PCDHGA8: variants seen among roughly 807,000 people sequenced by gnomAD.
The protein encoded by PCDHGA8 is protocadherin gamma-A8.
A neutral mutation model predicts 59.2 loss-of-function variants in PCDHGA8; 45 were observed. That is an observed-to-expected ratio of 0.76 (90% confidence interval 0.60 to 0.98). The LOEUF is 0.98. PCDHGA8 is among the 50% of genes least tolerant of loss of function. The pLI, the probability that PCDHGA8 is intolerant of heterozygous loss-of-function variation, is 0.00. For missense variants in PCDHGA8, 1,257 were observed against 1,196.2 expected, an observed-to-expected ratio of 1.05 and a Z score of -0.75; for synonymous variants, 531 against 519.0, an observed-to-expected ratio of 1.02 and a Z score of -0.32.
chr5:141,506,262 A>G (rs1395369571), intron 3 of PCDHGA8, among the ~76,000 whole-genome samples: 1 of 152,046 alleles, frequency 6.6e-6, no homozygotes, highest in Admixed American at 6.6e-5. Context: ...CGGCCTGGCC[A>G]ACATAGTGAA....
chr5:141,430,766 C>T, intron 1 of PCDHGA8: 1 of 1,504,534 alleles, frequency 6.6e-7, no homozygotes, highest in Non-Finnish European at 8.9e-7. Context: ...AAGAATGATT[C>T]CTGCGCGACT....
Position 141,393,459 on chromosome 5 carries a change from G to C in PCDHGA8, c.646G>C (p.Asp216His), listed in dbSNP as rs988813968. ...AAHHLVLTAS[D>H]GGKPPRSSTV... ...TCACCACCTGGTCCTCACGGCCTCG[G>C]ATGGCGGCAAGCCGCCTCGCTCTAG... Residue 216 changes from aspartate to histidine, a missense_variant, in exon 1 of 4, where the codon GAT becomes CAT. Physicochemically the swap from Asp to His is moderately conservative, Grantham distance 81. Coordinates refer to ENST00000398604, the MANE Select transcript of PCDHGA8 (RefSeq NM_032088.2). 1 of 1,613,928 alleles carries C rather than the reference G, an allele frequency of 6.2e-7. No homozygotes were observed. Among genetic ancestry groups the C allele is most frequent in the Non-Finnish European group, 8.5e-7 (1 of 1,179,912 alleles).
intron 1 of PCDHGA8, chr5:141,415,035 C>G (rs368588973): frequency 5.6e-6 from 9 of 1,613,578 alleles, no homozygotes; most frequent in South Asian, 1.1e-5. Context: ...AGCCGGGACT[C>G]TTCGCGGTGG....
chr5:141,421,557 C>T (rs764010392), intron 1 of PCDHGA8: 1 of 1,613,932 alleles, frequency 6.2e-7, no homozygotes, highest in South Asian at 1.1e-5. Context: ...TGGAACTTCT[C>T]GTGGAAGACA....
rs1480686339 is a variant in PCDHGA8, at chr5:141,415,643, A to G, written c.2424+20406A>G. ...TTTATTTTCATTTTTACTTTTGTTA[A>G]AAAAAAAAAGATTGGTTTTTACTTT... is the stretch of plus-strand genomic sequence containing the variant. On this transcript the variant is annotated intron_variant, in intron 1 of 3. Transcript: ENST00000398604. The G allele has an allele frequency of 5.1e-6, 8 of 1,571,752 alleles. No individual in the cohort carries two copies. In the South Asian group the frequency reaches 9.1e-5, roughly 18 times the overall value.
rs759899934 is a variant in PCDHGA8, at chr5:141,421,255, C to G, written c.2424+26018C>G. The stretch of plus-strand genomic sequence containing the variant: ...GGCGAATCGGCTACAGCGCGGGGAC[C>G]GCAGTCGGCTGCTGCTGCTGCTGTG... On this transcript the variant is annotated intron_variant, in intron 1 of 3. Coordinates refer to ENST00000398604, the MANE Select transcript of PCDHGA8 (RefSeq NM_032088.2). The G allele has an allele frequency of 6.0e-5, 97 of 1,607,644 alleles. No individual in the cohort carries two copies. Among genetic ancestry groups the G allele is most frequent in the Middle Eastern group, 3.3e-4 (2 of 6,058 alleles).
intron 1 of PCDHGA8, chr5:141,430,452 A>G (rs566189732): frequency 2.0e-3 from 408 of 202,442 alleles, no homozygotes; most frequent in South Asian, 3.8e-3. Context: ...CCTTTTGAAG[A>G]ACAGTAGGTG....
At chr5:141,413,622 T>C (rs1561743710) in intron 1 of PCDHGA8, 2 of 1,613,760 alleles carry the variant, frequency 1.2e-6, no homozygotes, top group Non-Finnish European at 1.7e-6. Flanking sequence ...TTAATGAAAA[T>C]GTCGCTGCGG....
chr5:141,468,809 T>A (rs1473677700), intron 1 of PCDHGA8, among the ~76,000 whole-genome samples: 1 of 151,850 alleles, frequency 6.6e-6, no homozygotes, highest in Admixed American at 6.6e-5. Flanking sequence ...GAACTTGCAG[T>A]GAGCCAAGAT....
intron 1 of PCDHGA8, among the ~76,000 whole-genome samples, chr5:141,454,353 A>G (rs2098787486): frequency 1.3e-5 from 2 of 152,238 alleles, no homozygotes; most frequent in Non-Finnish European, 2.9e-5. Context: ...AGTTGATCCA[A>G]ACTTAGAAAG....
At chr5:141,478,063 A>G in intron 1 of PCDHGA8, 1 of 1,614,168 alleles carries the variant, frequency 6.2e-7, no homozygotes, top group Non-Finnish European at 8.5e-7. Context: ...TCTTGATCAA[A>G]GACAATGGGG....
intron 3 of PCDHGA8, among the ~76,000 whole-genome samples, chr5:141,505,720 G>A (rs1251781594): frequency 2.2e-4 from 34 of 152,212 alleles, no homozygotes; most frequent in Non-Finnish European, 2.9e-5. Context: ...GACTCATGGA[G>A]GGAATAGTGG....
intron 1 of PCDHGA8, among the ~76,000 whole-genome samples, chr5:141,445,531 C>A (rs1476079791): frequency 6.6e-6 from 1 of 152,136 alleles, no homozygotes; most frequent in Non-Finnish European, 1.5e-5. Flanking sequence ...TGATAAAAGC[C>A]AACAAGGAGA....
chr5:141,415,599 C>G (rs201075690), intron 1 of PCDHGA8: 321 of 1,613,514 alleles, frequency 2.0e-4, no homozygotes, highest in South Asian at 6.6e-4. Context: ...TAGAGGATAC[C>G]CCATTGGTTC....
At chr5:141,462,800 A>C (rs1039129881) in intron 1 of PCDHGA8, among the ~76,000 whole-genome samples, 2 of 152,128 alleles carry the variant, frequency 1.3e-5, no homozygotes, top group Non-Finnish European at 2.9e-5. Flanking sequence ...TTGCATGTCT[A>C]ATAATGTTTT....
chr5:141,413,391 C>T lies in PCDHGA8; in HGVS notation c.2424+18154C>T, dbSNP rs375582894. ...CGGAGCGCGGAGTCCGCATAGTCTC[C>T]AGAGGTAGGACGCAGCTTTTCTCTC... On this transcript the variant is annotated intron_variant, in intron 1 of 3. Transcript: ENST00000398604. The T allele has an allele frequency of 1.2e-5, 19 of 1,613,902 alleles. No homozygotes were observed. In the African/African-American group the frequency reaches 2.4e-4, roughly 20 times the overall value.
chr5:141,478,514 G>A, intron 1 of PCDHGA8: 2 of 1,611,534 alleles, frequency 1.2e-6, no homozygotes, highest in Non-Finnish European at 1.7e-6. Context: ...CTATAGGCAG[G>A]TGTTGGGTGC....
At chr5:141,416,434 A>G (rs2096024040) in intron 1 of PCDHGA8, 1 of 152,222 alleles carries the variant, frequency 6.6e-6, no homozygotes, top group African/African-American at 2.4e-5. Context: ...CTAAGGCTGA[A>G]AGTAAATATG....
At chr5:141,406,940 A>C (rs2094868445) in intron 1 of PCDHGA8, among the ~76,000 whole-genome samples, 1 of 152,212 alleles carries the variant, frequency 6.6e-6, no homozygotes, top group African/African-American at 2.4e-5. Context: ...ATTTAATGTT[A>C]TTTTAAACAT....
Sources: gnomAD v4.1 joint callset for allele counts (sites outside exome capture counted in the v4.1 genomes callset) on GRCh38, gnomAD v4.1.1 for gene constraint, MANE v1.5 for transcripts, NCBI Gene and HGNC (gene_info 2026-07-23, HGNC 2026-07-21) for gene names.